The following N4BP2 variants were observed in gnomAD, a reference collection of about 807,000 sequenced individuals.
The protein encoded by N4BP2 is NEDD4 binding protein 2, also known as NEDD4-binding protein 2.
In N4BP2, 91 loss-of-function variants were observed where a neutral mutation model predicts 152.8. The observed-to-expected ratio is 0.60, with a 90% CI of 0.50 to 0.71. N4BP2 has a LOEUF of 0.71. N4BP2 is among the 30% of genes least tolerant of loss of function. N4BP2 has a pLI of 0.00. For synonymous variants in N4BP2, 646 were observed against 705.3 expected (o/e 0.92, Z 1.33); for missense variants, 1,923 against 2,059.1 (o/e 0.93, Z 1.28).
At chr4:40,142,084 G>A in intron 14 of N4BP2, 1 of 160,484 alleles carries the variant, frequency 6.2e-6, no homozygotes, top group South Asian at 1.7e-4. Context: ...CGTGGAAAGA[G>A]AGGGAGAGGG....
Position 40,152,776 on chromosome 4 carries a change from A to T in N4BP2, c.5144-4A>T, listed in dbSNP as rs1393296762. ...TTTAACTCCCCTGATTTCTGTTGTAACAGAATTTAAGCAGAACGGTGGGAA... is the reference window on the plus strand; with the variant it reads ...TTTAACTCCCCTGATTTCTGTTGTATCAGAATTTAAGCAGAACGGTGGGAA... On this transcript the variant is annotated splice_region_variant and splice_polypyrimidine_tract_variant and intron_variant, in intron 16 of 17. Coordinates refer to ENST00000261435, the MANE Select transcript of N4BP2 (RefSeq NM_018177.6). 2 of 1,613,778 alleles carry T rather than the reference A, an allele frequency of 1.2e-6. No individual in the cohort carries two copies. Among genetic ancestry groups the T allele is most frequent in the Non-Finnish European group, 1.7e-6 (2 of 1,179,842 alleles).
the N4BP2 span, among the ~76,000 whole-genome samples, chr4:40,189,435 G>A: frequency 1.3e-5 from 2 of 152,158 alleles, no homozygotes; most frequent in Admixed American, 1.3e-4. This position sits in a 1 kb window ranked among gnomAD's most constrained non-coding sequence, Gnocchi z 4.3. Flanking sequence ...GCTGAGAGAT[G>A]AGCACCAACT....
At chr4:40,064,633 C>T (rs1455739838) in intron 1 of N4BP2, among the ~76,000 whole-genome samples, 1 of 152,194 alleles carries the variant, frequency 6.6e-6, no homozygotes, top group Non-Finnish European at 1.5e-5. Flanking sequence ...AAGATGCTTA[C>T]AGACTAGTAG....
chr4:40,161,105 C>G (rs794019), downstream of N4BP2, among the ~76,000 whole-genome samples: 64,302 of 152,060 alleles, frequency 0.42, 13,899 homozygotes, highest in Non-Finnish European at 0.44. Flanking sequence ...CACAGAATAA[C>G]AGCCCGAAGT....
rs575410298 is a variant in N4BP2 at position 40,093,890 on chromosome 4, G to A, written c.-114-3337G>A. The stretch of plus-strand genomic sequence containing the variant: ...GCTGCAATTACAGGTGTGAGCCACC[G>A]CGCCCAGCTAATTTTTGTACTTTTA... On this transcript the variant is annotated intron_variant, in intron 2 of 17. Transcript: ENST00000261435. Among the ~76,000 whole-genome samples, 6 of 152,044 alleles carry A rather than the reference G, an allele frequency of 3.9e-5. No individual in the cohort carries two copies. The East Asian group carries it at 7.7e-4, about 20-fold the overall frequency.
At chr4:40,181,432 G>T in the N4BP2 span, among the ~76,000 whole-genome samples, 2 of 152,144 alleles carry the variant, frequency 1.3e-5, no homozygotes, top group Non-Finnish European at 2.9e-5. Context: ...AATTGTATGT[G>T]ACAGAAAACC....
At chr4:40,072,834 C>T (rs1712345786) in intron 1 of N4BP2, among the ~76,000 whole-genome samples, 1 of 151,510 alleles carries the variant, frequency 6.6e-6, no homozygotes, top group Non-Finnish European at 1.5e-5. Flanking sequence ...ATTCTCCTGT[C>T]TCAGCCTCCC....
chr4:40,141,695 C>A (rs1719989746), intron 14 of N4BP2, among the ~76,000 whole-genome samples: 1 of 152,076 alleles, frequency 6.6e-6, no homozygotes. Context: ...GGCGGCCGGG[C>A]AGAGGCTGCA....
At chr4:40,139,942 G>C (rs1024830247) in intron 14 of N4BP2, among the ~76,000 whole-genome samples, 2 of 150,802 alleles carry the variant, frequency 1.3e-5, no homozygotes, top group Admixed American at 1.3e-4. Flanking sequence ...TGGGACTACA[G>C]GCATGAACCA....
At chr4:40,094,883 TC>T (rs990687609) in intron 2 of N4BP2, among the ~76,000 whole-genome samples, 4 of 151,080 alleles carry the variant, frequency 2.6e-5, no homozygotes, top group African/African-American at 9.8e-5. Flanking sequence ...CACCTCTGTC[TC>T]CTGGGTTCAA....
chr4:40,058,781 G>A (rs1458776310), intron 1 of N4BP2, among the ~76,000 whole-genome samples: 1 of 151,342 alleles, frequency 6.6e-6, no homozygotes, highest in South Asian at 2.1e-4. Flanking sequence ...TTTTTTTTTA[G>A]TATTTATTTT....
rs770561773 is a variant in N4BP2, at chr4:40,123,253, A to T, written c.4284+41A>T. The T allele has an allele frequency of 4.5e-6, 6 of 1,346,814 alleles. No homozygotes were observed. The South Asian group carries it at 6.1e-5, about 14-fold the overall frequency. The allele number at this position is 1,346,814 out of a possible 1,614,324, so 83.4% of individuals were successfully genotyped here. ...TTTATAAAGAGCTCCTTTTTTGTCC[A>T]TTTTGAACCTTTGAATTTCAGTGAA... On this transcript the variant is annotated intron_variant, in intron 10 of 17. Transcript: ENST00000261435.
At chr4:40,144,391 G>A (rs76512387) in intron 15 of N4BP2, among the ~76,000 whole-genome samples, 3 of 152,062 alleles carry the variant, frequency 2.0e-5, no homozygotes, top group African/African-American at 7.2e-5. Flanking sequence ...CCACTTTTAC[G>A]ACTTTTGGTT....
intron 13 of N4BP2, 58 bp from the exon 14 acceptor site, chr4:40,136,886 G>A: frequency 7.7e-7 from 1 of 1,302,926 alleles, no homozygotes; most frequent in South Asian, 1.4e-5. Context: ...TTGTGTTAAT[G>A]TCCCACACAA....
chr4:40,127,714 G>T (rs1718544597), intron 12 of N4BP2, among the ~76,000 whole-genome samples: 1 of 152,044 alleles, frequency 6.6e-6, no homozygotes, highest in Admixed American at 6.6e-5. Flanking sequence ...AGGCTGGAGT[G>T]CAGTGGTGCG....
chr4:40,172,534 G>C, the N4BP2 span, among the ~76,000 whole-genome samples: 1 of 152,156 alleles, frequency 6.6e-6, no homozygotes, highest in Non-Finnish European at 1.5e-5. Flanking sequence ...TAGCCACAGA[G>C]GGAAGATGAT....
intron 5 of N4BP2, among the ~76,000 whole-genome samples, chr4:40,111,121 G>GAT (rs1346408370): frequency 5.3e-5 from 8 of 152,044 alleles, no homozygotes; most frequent in Non-Finnish European, 1.0e-4. Context: ...TTGAATATTA[G>GAT]ATATATGGAA....
intron 1 of N4BP2, among the ~76,000 whole-genome samples, chr4:40,070,449 A>G (rs561271088): frequency 2.0e-5 from 3 of 152,090 alleles, no homozygotes; most frequent in African/African-American, 7.2e-5. Flanking sequence ...GTATTATACT[A>G]CTTTTTGATT....
At chr4:40,108,224 A>G (rs991975571) in intron 5 of N4BP2, among the ~76,000 whole-genome samples, 6 of 152,124 alleles carry the variant, frequency 3.9e-5, no homozygotes, top group Admixed American at 1.3e-4. Context: ...TTGAGCCACC[A>G]TGCCCAGCCT....
Sources: allele counts gnomAD v4.1 joint callset (sites outside exome capture counted in the v4.1 genomes callset), GRCh38; gene constraint gnomAD v4.1.1; non-coding constraint Gnocchi (gnomAD v3.1); transcripts MANE v1.5; gene names NCBI Gene and HGNC (gene_info 2026-07-23, HGNC 2026-07-21).